MIDN: variants seen among roughly 807,000 people sequenced by gnomAD.
MIDN encodes the protein midbrain nucleolar protein.
In MIDN, 26 loss-of-function variants were observed where a neutral mutation model predicts 46.1. The observed-to-expected ratio is 0.56, with a 90% CI of 0.41 to 0.78. The LOEUF (loss-of-function observed/expected upper bound fraction) is 0.78, where lower values mean the gene tolerates loss of function less well. MIDN is among the 30% of genes least tolerant of loss of function. The pLI is 0.00. For missense variants in MIDN, 850 were observed against 771.8 expected (o/e 1.10, Z -1.20); for synonymous variants, 432 against 343.3 (o/e 1.26, Z -2.86).
At chr19:1,253,750 G>T (rs532450843) in intron 4 of MIDN, 27 of 265,352 alleles carry the variant, frequency 1.0e-4, no homozygotes, top group African/African-American at 6.3e-4. Flanking sequence ...CTGGGAGGGG[G>T]CCTGAGGTGG....
rs760959993 is a variant in MIDN at position 1,254,911 on chromosome 19, T to C, written c.835T>C (p.Cys279Arg). 2.5e-6 allele frequency: 4 copies of C among 1,604,506 alleles called. No homozygotes were observed. The East Asian group carries it at 8.9e-5, about 36-fold the overall frequency. The change falls in exon 7 of 9, where the codon TGC becomes CGC. Residue 279 changes from cysteine to arginine, a missense_variant. Cys to Arg is a radical substitution (Grantham distance 180). Coordinates refer to ENST00000682408, the MANE Select transcript of MIDN (RefSeq NM_001388306.1). ...ASTTCPEQMD[C>R]SPTASSSASP... ...CCCTTCCTCCCATCAGCAGATGGAC[T>C]GCTCCCCCACGGCCAGCAGCAGTGC...
In MIDN at chr19:1,251,590, T is replaced by G; in HGVS notation, c.262T>G (p.Phe88Val). Residue 88 changes from phenylalanine to valine, a missense_variant, in exon 3 of 9, where the codon TTC becomes GTC. Coordinates refer to ENST00000682408, the MANE Select transcript of MIDN (RefSeq NM_001388306.1). ...GCTCAGTTCGGGGAAGCTGCAGGAG[T>G]TCGGCGTGGGTGATGGCAGCAAGCT... is the stretch of plus-strand genomic sequence containing the variant. ...TRLSSGKLQEFGVGDGSKLTL... is the reference protein window; with the variant it reads ...TRLSSGKLQEVGVGDGSKLTL... 1.2e-6 allele frequency: 2 copies of G among 1,606,608 alleles called. No homozygotes were observed. The highest frequency in any genetic ancestry group is 8.5e-7 in the Non-Finnish European group (1 of 1,177,600).
chr19:1,254,523 G>A, intron 6 of MIDN, 45 bp downstream of exon 6: 1 of 1,530,862 alleles, frequency 6.5e-7, no homozygotes, highest in East Asian at 2.4e-5. Flanking sequence ...GGAATCCAAA[G>A]GGTGGGCCGT....
At position 1,250,211 on chromosome 19, in the gene MIDN, A is replaced by G; in HGVS notation, c.-86A>G. On this transcript the variant is annotated 5_prime_UTR_variant, in exon 2 of 9. Transcript: ENST00000682408. The stretch of plus-strand genomic sequence containing the variant: ...CCCCCGAGTGCCCGGAGGACCCGGC[A>G]TCCGGGGAGCCTCTCGCCCCTGTCC... 1 of 520,740 alleles carries G rather than the reference A, an allele frequency of 1.9e-6. No individual in the cohort carries two copies. Among genetic ancestry groups the G allele is most frequent in the Non-Finnish European group, 2.5e-6 (1 of 405,594 alleles). The allele number at this position is 520,740 out of a possible 1,614,324, so 32.3% of individuals were successfully genotyped here.
Position 1,250,121 on chromosome 19 carries a change from T to G in MIDN, c.-176T>G. On this transcript the variant is annotated 5_prime_UTR_variant, in exon 2 of 9. Transcript: ENST00000682408. ...GAGCGACCTCGGAGCGCCACTCGGA[T>G]TTTGGATTTCGGTCTCGCATTCCGC... 7 of 159,022 alleles carry G rather than the reference T, an allele frequency of 4.4e-5. No individual in the cohort carries two copies. Among genetic ancestry groups the G allele is most frequent in the Non-Finnish European group, 9.4e-5 (7 of 74,794 alleles). 9.9% of individuals were successfully genotyped at this position (159,022 alleles called of 1,614,324 possible). A position where few individuals can be genotyped will look rare whatever the true frequency, so the allele number is the denominator to read the frequency against.
intron 4 of MIDN, among the ~76,000 whole-genome samples, chr19:1,252,416 A>AG (rs66531920): frequency 0.37 from 56,891 of 151,850 alleles, 11,585 homozygotes; most frequent in East Asian, 0.53. Context: ...CTACCCCGAA[A>AG]GGGGAGGGGG....
Position 1,258,813 on chromosome 19 carries a change from T to C in MIDN, c.*1541T>C, listed in dbSNP as rs111237884. The C allele has an allele frequency of 6.7e-6, 1 of 149,648 alleles. No homozygotes were observed. The highest frequency in any genetic ancestry group is 1.5e-5 in the Non-Finnish European group (1 of 67,436). 9.3% of individuals were successfully genotyped at this position (149,648 alleles called of 1,614,324 possible). On this transcript the variant is annotated 3_prime_UTR_variant, in exon 9 of 9. Coordinates refer to ENST00000682408, the MANE Select transcript of MIDN (RefSeq NM_001388306.1). ...TTTCCAAAAAAAAAAGAAAAAAAAA[T>C]AGAAAAAAAAGGAGTAAAAGGGGCG...
rs538645708 is a variant in MIDN, at chr19:1,257,677, C to A, written c.*405C>A. 1 of 198,994 alleles carries A rather than the reference C, an allele frequency of 5.0e-6. No homozygotes were observed. Among genetic ancestry groups the A allele is most frequent in the Non-Finnish European group, 1.0e-5 (1 of 98,136 alleles). 12.3% of individuals were successfully genotyped at this position (198,994 alleles called of 1,614,324 possible). A position where few individuals can be genotyped will look rare whatever the true frequency, so the allele number is the denominator to read the frequency against. On this transcript the variant is annotated 3_prime_UTR_variant, in exon 9 of 9. Transcript: ENST00000682408. Reference sequence around the variant, plus strand: ...CCCATCCCTTCCGCCGCCTCCTTTCCCCCCCGACCCTATTCAGGTTTTAAG... The same window carrying A: ...CCCATCCCTTCCGCCGCCTCCTTTCACCCCCGACCCTATTCAGGTTTTAAG...
At chr19:1,255,873 C>G (rs902478214) in intron 8 of MIDN, among the ~76,000 whole-genome samples, 179 bp downstream of exon 8, 1 of 152,252 alleles carries the variant, frequency 6.6e-6, no homozygotes, top group African/African-American at 2.4e-5. Flanking sequence ...TGTCAGGGCA[C>G]AAAGTGTCCT....
rs772615716 is a variant in MIDN, at chr19:1,255,465, G to T, written c.1029G>T (p.Arg343=). 6 of 1,606,988 alleles carry T rather than the reference G, an allele frequency of 3.7e-6. No homozygotes were observed. Among genetic ancestry groups the T allele is most frequent in the Admixed American group, 1.7e-5 (1 of 59,452 alleles). Residue 343 remains arginine (R), a synonymous_variant, in exon 8 of 9, where the codon CGG becomes CGT. Transcript: ENST00000682408. ...PNCQDSSGRP[R]RDIGTILQIL... ...GCCAAGACAGCAGCGGGCGGCCGCGGCGTGACATCGGCACCATCCTGCAGA... is the reference window on the plus strand; with the variant it reads ...GCCAAGACAGCAGCGGGCGGCCGCGTCGTGACATCGGCACCATCCTGCAGA...
intron 2 of MIDN, chr19:1,251,117 A>T (rs1282344317): frequency 6.5e-6 from 1 of 154,580 alleles, no homozygotes; most frequent in Admixed American, 6.5e-5. Flanking sequence ...TGCGCCGGGG[A>T]GGGAGGAGGA....
chr19:1,250,843 C>T (rs953622984), intron 2 of MIDN, among the ~76,000 whole-genome samples: 6 of 152,044 alleles, frequency 3.9e-5, no homozygotes, highest in African/African-American at 1.2e-4. Context: ...CTCCCGCCTG[C>T]GTCCGCGCCG....
chr19:1,254,936 C>A lies in MIDN; in HGVS notation c.860C>A (p.Ala287Asp). The A allele has an allele frequency of 6.2e-7, 1 of 1,611,236 alleles. No homozygotes were observed. Among genetic ancestry groups the A allele is most frequent in the Non-Finnish European group, 8.5e-7 (1 of 1,179,118 alleles). Reference protein sequence around the residue: ...MDCSPTASSSASPGASTTSTP... With the variant: ...MDCSPTASSSDSPGASTTSTP... ...TGCTCCCCCACGGCCAGCAGCAGTG[C>A]CAGTCCTGGTGCCAGCACCACGTCT... Residue 287 changes from alanine to aspartate, a missense_variant, in exon 7 of 9, where the codon GCC becomes GAC. By Grantham distance (126) the Ala-to-Asp change is moderately radical. Transcript: ENST00000682408.
chr19:1,251,904 A>G lies in MIDN; in HGVS notation c.384+3A>G. On this transcript the variant is annotated splice_donor_region_variant and intron_variant, in intron 4 of 8. Coordinates refer to ENST00000682408, the MANE Select transcript of MIDN (RefSeq NM_001388306.1). ...TCGAGAGTCTCACGGAGACGCAGGTAAGACCTCGCCAGCCCCTTCCTAACA... is the reference window on the plus strand; with the variant it reads ...TCGAGAGTCTCACGGAGACGCAGGTGAGACCTCGCCAGCCCCTTCCTAACA... The G allele has an allele frequency of 6.2e-7, 1 of 1,612,676 alleles. No homozygotes were observed. Among genetic ancestry groups the G allele is most frequent in the Non-Finnish European group, 8.5e-7 (1 of 1,179,396 alleles).
At position 1,257,113 on chromosome 19, in the gene MIDN, C is replaced by A. The variant is rs757020602; in HGVS notation, c.1377C>A (p.Tyr459Ter). Residue 459 changes from tyrosine to a stop codon, truncating the protein, a stop_gained, in exon 9 of 9, where the codon TAC (tyrosine) becomes TAA (stop). Transcript: ENST00000682408. LOFTEE classifies it high-confidence loss of function. ...CCCGGCGGGACGCGCGGGGTCCGTA[C>A]CACTGGTCACCCAGCCGCAAGGCCG... ...RKARRDARGP[Y>*]HWSPSRKAGR... is the part of the protein sequence containing the mutation. 1 of 1,611,818 alleles carries A rather than the reference C, an allele frequency of 6.2e-7. No individual in the cohort carries two copies.
At position 1,249,932 on chromosome 19, in the gene MIDN, G is replaced by C. The variant is rs867718179; in HGVS notation, c.-365G>C. On this transcript the variant is annotated 5_prime_UTR_variant, in exon 2 of 9. Coordinates refer to ENST00000682408, the MANE Select transcript of MIDN (RefSeq NM_001388306.1). ...GACGGCTGTTGCTAAGGGAGGGGAC[G>C]CGCGAGGAAGCGCGACCCGGGCGGC... is the stretch of plus-strand genomic sequence containing the variant. 1 of 151,854 alleles carries C rather than the reference G, an allele frequency of 6.6e-6. No homozygotes were observed. Among genetic ancestry groups the C allele is most frequent in the South Asian group, 2.1e-4 (1 of 4,824 alleles). 9.4% of individuals were successfully genotyped at this position (151,854 alleles called of 1,614,324 possible).
At chr19:1,253,527 C>T (rs963497389) in intron 4 of MIDN, among the ~76,000 whole-genome samples, 6 of 151,382 alleles carry the variant, frequency 4.0e-5, no homozygotes, top group Admixed American at 4.0e-4. Flanking sequence ...CCACCCTGAA[C>T]GGGGGCAGAT....
intron 1 of MIDN, among the ~76,000 whole-genome samples, chr19:1,249,485 C>T (rs1599970773): frequency 6.7e-6 from 1 of 149,662 alleles, no homozygotes; most frequent in African/African-American, 2.4e-5. Flanking sequence ...CCGCTCCCGG[C>T]CGCTCCCTTG....
At position 1,257,449 on chromosome 19, in the gene MIDN, C is replaced by T. The variant is rs2081214054; in HGVS notation, c.*177C>T. ...TTTTTCTTTTTTTAAAAAGTTCTGACCGTGGTTTCCTGGACTCTTCATGGG... is the reference window on the plus strand; with the variant it reads ...TTTTTCTTTTTTTAAAAAGTTCTGATCGTGGTTTCCTGGACTCTTCATGGG... On this transcript the variant is annotated 3_prime_UTR_variant, in exon 9 of 9. Transcript: ENST00000682408. 3 of 584,186 alleles carry T rather than the reference C, an allele frequency of 5.1e-6. No homozygotes were observed. Among genetic ancestry groups the T allele is most frequent in the East Asian group, 3.1e-5 (1 of 32,710 alleles). The allele number at this position is 584,186 out of a possible 1,614,324, so 36.2% of individuals were successfully genotyped here.
Sources: gnomAD v4.1 joint callset for allele counts (sites outside exome capture counted in the v4.1 genomes callset) on GRCh38, gnomAD v4.1.1 for gene constraint, MANE v1.5 for transcripts, NCBI Gene and HGNC (gene_info 2026-07-23, HGNC 2026-07-21) for gene names.